The following LRMDA variants were observed in gnomAD, a reference collection of about 807,000 sequenced individuals.
LRMDA encodes the protein leucine rich melanocyte differentiation associated.
In LRMDA, 18 loss-of-function variants were observed where a neutral mutation model predicts 29.8. The observed-to-expected ratio is 0.60, with a 90% CI of 0.42 to 0.90. The LOEUF is 0.90. Ranked by LOEUF, LRMDA falls within the 40% of genes least tolerant of loss-of-function variation. The pLI is 0.00. For synonymous variants in LRMDA, 125 were observed against 109.4 expected (o/e 1.14, Z -0.89); for missense variants, 273 against 273.9 (o/e 1.00, Z 0.02).
At chr10:76,269,218 T>A (rs1238783966) in intron 5 of LRMDA, among the ~76,000 whole-genome samples, 2 of 152,074 alleles carry the variant, frequency 1.3e-5, no homozygotes, top group Non-Finnish European at 2.9e-5. Flanking sequence ...TGCCAGCAAT[T>A]CAGCAGTAAT....
At chr10:76,402,786 C>G (rs566966900) in intron 6 of LRMDA, among the ~76,000 whole-genome samples, 1 of 152,316 alleles carries the variant, frequency 6.6e-6, no homozygotes, top group African/African-American at 2.4e-5. Flanking sequence ...GCAATGCGCT[C>G]CCTGCATTTT....
At chr10:75,853,723 A>C (rs1589229193) in intron 2 of LRMDA, among the ~76,000 whole-genome samples, 1 of 152,094 alleles carries the variant, frequency 6.6e-6, no homozygotes, top group Admixed American at 6.6e-5. Context: ...TGTCCTTGAA[A>C]CCAGCCGACT....
intron 5 of LRMDA, among the ~76,000 whole-genome samples, chr10:76,200,951 A>G (rs1225424322): frequency 6.6e-6 from 1 of 151,524 alleles, no homozygotes; most frequent in Admixed American, 6.6e-5. Context: ...TCCTGACCTC[A>G]GGTGATCTGC....
intron 5 of LRMDA, among the ~76,000 whole-genome samples, chr10:76,135,269 A>C (rs1850072834): frequency 6.6e-6 from 1 of 152,222 alleles, no homozygotes; most frequent in African/African-American, 2.4e-5. Flanking sequence ...TGAATGAAAG[A>C]AAGCCCTTGC....
chr10:75,667,230 C>CA (rs886111039), intron 2 of LRMDA, among the ~76,000 whole-genome samples: 1 of 152,004 alleles, frequency 6.6e-6, no homozygotes, highest in African/African-American at 2.4e-5. Context: ...ACCCCCCCCC[C>CA]CAAGTAAGAA....
At chr10:76,378,522 T>C (rs564247377) in intron 6 of LRMDA, among the ~76,000 whole-genome samples, 1 of 152,304 alleles carries the variant, frequency 6.6e-6, no homozygotes, top group South Asian at 2.1e-4. Context: ...AAGTTTGTTG[T>C]ATATGTCTTT....
At chr10:76,479,363 T>A (rs138531784) in intron 6 of LRMDA, among the ~76,000 whole-genome samples, 416 of 152,058 alleles carry the variant, frequency 2.7e-3, no homozygotes, top group African/African-American at 9.7e-3. Flanking sequence ...GCCAGCTTCA[T>A]GGTGTGTAAC....
intron 5 of LRMDA, among the ~76,000 whole-genome samples, chr10:76,300,973 C>T (rs1840473174): frequency 6.6e-6 from 1 of 152,170 alleles, no homozygotes; most frequent in Admixed American, 6.5e-5. Context: ...GGCTCCTTCC[C>T]TTAGTTCTTT....
chr10:75,494,126 T>C (rs1039638236), intron 2 of LRMDA, among the ~76,000 whole-genome samples: 5 of 152,230 alleles, frequency 3.3e-5, no homozygotes, highest in Non-Finnish European at 7.4e-5. Context: ...GTAAAGTTCA[T>C]ATGCTATGAA....
rs548500879 is a variant in LRMDA, at chr10:75,994,685, T to C, written c.132-41323T>C. Among the ~76,000 whole-genome samples, 8 of 152,332 alleles carry C rather than the reference T, an allele frequency of 5.3e-5. No homozygotes were observed. The East Asian group carries it at 1.5e-3, about 29-fold the overall frequency. ...TTCCCCTCTTCAGGGCTGTTCTACC[T>C]ATAAGGCCATCTCCTGAAGTCACCG... On this transcript the variant is annotated intron_variant, in intron 2 of 6. Coordinates refer to ENST00000611255, the MANE Select transcript of LRMDA (RefSeq NM_001305581.2).
intron 2 of LRMDA, among the ~76,000 whole-genome samples, chr10:75,769,137 A>T (rs1843206305): frequency 1.3e-5 from 2 of 152,210 alleles, no homozygotes; most frequent in Admixed American, 1.3e-4. Context: ...ATGCTGTCAG[A>T]TTGGAGAAGT....
chr10:76,423,673 G>GCTATTGCT (rs1842092822), intron 6 of LRMDA, among the ~76,000 whole-genome samples: 1 of 152,200 alleles, frequency 6.6e-6, no homozygotes, highest in South Asian at 2.1e-4. Flanking sequence ...CTTAGCTGCT[G>GCTATTGCT]CTATTGCTGC....
intron 5 of LRMDA, among the ~76,000 whole-genome samples, chr10:76,071,688 C>T (rs1848878787): frequency 1.3e-5 from 2 of 152,306 alleles, no homozygotes; most frequent in South Asian, 4.1e-4. Flanking sequence ...CACATAACTG[C>T]TACAAACAGT....
chr10:76,322,239 C>T (rs958595678), intron 5 of LRMDA, among the ~76,000 whole-genome samples: 2 of 152,142 alleles, frequency 1.3e-5, no homozygotes, highest in African/African-American at 4.8e-5. Context: ...TACATCTAAT[C>T]CTAAGGTTCA....
chr10:76,206,626 C>T (rs562815826), intron 5 of LRMDA, among the ~76,000 whole-genome samples: 26 of 152,282 alleles, frequency 1.7e-4, no homozygotes, highest in African/African-American at 4.1e-4. Context: ...GGGAAGTTCT[C>T]GTTCTTCCAG....
chr10:76,417,197 C>T (rs1302587447), intron 6 of LRMDA, among the ~76,000 whole-genome samples: 1 of 152,128 alleles, frequency 6.6e-6, no homozygotes, highest in Non-Finnish European at 1.5e-5. Flanking sequence ...TATTTTTAAA[C>T]TGATTCCTCT....
intron 3 of LRMDA, among the ~76,000 whole-genome samples, chr10:76,036,522 G>C (rs1225235771): frequency 6.6e-6 from 1 of 152,256 alleles, no homozygotes; most frequent in African/African-American, 2.4e-5. Context: ...CCTCTGGTGG[G>C]AAGTCCCGGG....
chr10:76,214,543 A>C (rs1449118476), intron 5 of LRMDA, among the ~76,000 whole-genome samples: 2 of 151,490 alleles, frequency 1.3e-5, no homozygotes, highest in Non-Finnish European at 2.9e-5. Context: ...ACGGGGTTTC[A>C]CCTTGTTAGC....
At chr10:75,761,794 GTT>G (rs796289608) in intron 2 of LRMDA, among the ~76,000 whole-genome samples, 3 of 121,708 alleles carry the variant, frequency 2.5e-5, no homozygotes, top group Admixed American at 8.0e-5. Context: ...GTATACTTTT[GTT>G]TTTTTTTTTT....
Sources: allele counts gnomAD v4.1 joint callset (sites outside exome capture counted in the v4.1 genomes callset), GRCh38; gene constraint gnomAD v4.1.1; transcripts MANE v1.5; gene names NCBI Gene and HGNC (gene_info 2026-07-23, HGNC 2026-07-21).